The following FGF14 variants were observed in gnomAD, a reference collection of about 807,000 sequenced individuals.
The protein encoded by FGF14 is fibroblast growth factor 14.
FGF14 carries 5 observed loss-of-function variants against 25.5 expected under a neutral mutation model. The observed-to-expected ratio is 0.20, with a 90% CI of 0.10 to 0.41. FGF14 has a LOEUF of 0.41. Among genes scored for constraint, FGF14 ranks in the 10% least tolerant of loss-of-function variants. The probability of loss-of-function intolerance (pLI) is 1.00; values close to 1 mark genes in which losing one functional copy is unlikely to be tolerated. For missense variants in FGF14, 222 were observed against 320.1 expected (o/e 0.69, Z 2.34); for synonymous variants, 138 against 118.3 (o/e 1.17, Z -1.08).
chr13:102,174,710 G>A (rs1170727296), intron 1 of FGF14, among the ~76,000 whole-genome samples: 3 of 152,022 alleles, frequency 2.0e-5, no homozygotes, highest in Admixed American at 6.6e-5. Flanking sequence ...CTTACAAGTG[G>A]GAGCTAAGCA....
chr13:102,365,212 T>A (rs1337005177), intron 1 of FGF14, among the ~76,000 whole-genome samples: 1 of 152,060 alleles, frequency 6.6e-6, no homozygotes, highest in Non-Finnish European at 1.5e-5. Context: ...TCTCAAAGTC[T>A]GGGTCCTCTA....
At chr13:102,108,498 T>C (rs913321753) in intron 1 of FGF14, among the ~76,000 whole-genome samples, 2 of 152,216 alleles carry the variant, frequency 1.3e-5, no homozygotes, top group Non-Finnish European at 2.9e-5. Flanking sequence ...TGGATCTCTG[T>C]GAAACATGTT....
chr13:102,047,600 A>G (rs938632528), intron 1 of FGF14, among the ~76,000 whole-genome samples: 1 of 152,084 alleles, frequency 6.6e-6, no homozygotes, highest in African/African-American at 2.4e-5. Flanking sequence ...AACACCGCAT[A>G]TTCTCACTCA....
At chr13:102,211,270 T>C (rs1566821755) in intron 1 of FGF14, among the ~76,000 whole-genome samples, 1 of 151,952 alleles carries the variant, frequency 6.6e-6, no homozygotes, top group Non-Finnish European at 1.5e-5. Flanking sequence ...TCTATTTTCA[T>C]TCCAAAAAAA....
intron 1 of FGF14, among the ~76,000 whole-genome samples, chr13:101,924,659 T>C (rs1466822172): frequency 6.6e-6 from 1 of 152,198 alleles, no homozygotes; most frequent in South Asian, 2.1e-4. Context: ...AAATAATATG[T>C]GTATAATAGT....
rs542027613 is a variant in FGF14 at position 102,168,509 on chromosome 13, A to G, written c.208+232962T>C. Among the ~76,000 whole-genome samples, 11 of 152,224 alleles carry G rather than the reference A, an allele frequency of 7.2e-5. No homozygotes were observed. In the South Asian group the frequency reaches 2.3e-3, roughly 32 times the overall value. On this transcript the variant is annotated intron_variant, in intron 1 of 4. Coordinates refer to the FGF14 transcript ENST00000376131. ...CTTTTCTTGGTACTACATTAATACA[A>G]AGACTCCACTGACCCTAAACAATGG...
At chr13:101,835,170 C>G (rs1048359779) in intron 3 of FGF14, among the ~76,000 whole-genome samples, 1 of 151,986 alleles carries the variant, frequency 6.6e-6, no homozygotes, top group East Asian at 1.9e-4. Context: ...TTGGAAATAA[C>G]CTTTGAAGAT....
chr13:101,959,594 C>A (rs1344546944), intron 1 of FGF14, among the ~76,000 whole-genome samples: 1 of 152,176 alleles, frequency 6.6e-6, no homozygotes, highest in Non-Finnish European at 1.5e-5. Context: ...CTTGGAGTTT[C>A]TTTCCTCTGA....
At chr13:102,199,657 C>T (rs1166306357) in intron 1 of FGF14, among the ~76,000 whole-genome samples, 5 of 152,222 alleles carry the variant, frequency 3.3e-5, no homozygotes, top group Non-Finnish European at 7.4e-5. Context: ...ACCTCTAACC[C>T]ACCTCTCTGA....
At chr13:101,765,204 TC>T (rs1445330847) in intron 3 of FGF14, among the ~76,000 whole-genome samples, 4 of 152,308 alleles carry the variant, frequency 2.6e-5, no homozygotes, top group African/African-American at 9.6e-5. Context: ...CTCTTTCTCC[TC>T]CCTACTTTAT....
chr13:101,899,656 G>A (rs2031263439), intron 1 of FGF14, among the ~76,000 whole-genome samples: 1 of 151,866 alleles, frequency 6.6e-6, no homozygotes, highest in African/African-American at 2.4e-5. Context: ...TTATACTATA[G>A]CAAATAAAAA....
chr13:102,256,944 G>A (rs1320603728), intron 1 of FGF14, among the ~76,000 whole-genome samples: 3 of 152,170 alleles, frequency 2.0e-5, no homozygotes, highest in Non-Finnish European at 1.5e-5. Context: ...TTTGCTCAAT[G>A]AAATAACATC....
At chr13:102,038,025 G>T (rs907559243) in intron 1 of FGF14, among the ~76,000 whole-genome samples, 2 of 152,126 alleles carry the variant, frequency 1.3e-5, no homozygotes, top group Admixed American at 6.6e-5. Flanking sequence ...AAGAGGTGAG[G>T]TACAGAAGGA....
intron 1 of FGF14, among the ~76,000 whole-genome samples, chr13:102,243,600 A>C (rs138120775): frequency 1.3e-5 from 2 of 152,080 alleles, no homozygotes; most frequent in African/African-American, 4.8e-5. Flanking sequence ...GGAGGCAGGA[A>C]GACCAAGGTT....
At position 101,924,630 on chromosome 13, in the gene FGF14, G is replaced by GTCTC. The variant is rs534325069; in HGVS notation, c.209-49335_209-49334insGAGA. ...ATTATTTAAATGGGAACAAGAGCAT[G>GTCTC]TCTGTTTATAAAACATCCAAATAAT... On this transcript the variant is annotated intron_variant, in intron 1 of 4. Coordinates refer to the FGF14 transcript ENST00000376131. Among the ~76,000 whole-genome samples the GTCTC allele has an allele frequency of 1.1e-4, 17 of 152,294 alleles. No individual in the cohort carries two copies. The South Asian group carries it at 3.3e-3, about 30-fold the overall frequency.
rs1365422046 is a variant in FGF14, at chr13:102,341,973, C to T, written c.208+59498G>A. On this transcript the variant is annotated intron_variant, in intron 1 of 4. Transcript: ENST00000376131. ...CCTACTTGATATGGAGCCTCCTAAG[C>T]TACAGGGAAACAAGCCCACTCATCA... Among the ~76,000 whole-genome samples, 3 of 152,108 alleles carry T rather than the reference C, an allele frequency of 2.0e-5. No individual in the cohort carries two copies. In the East Asian group the frequency reaches 5.8e-4, roughly 29 times the overall value.
chr13:102,309,463 G>C (rs1201462305), intron 1 of FGF14, among the ~76,000 whole-genome samples: 1 of 152,148 alleles, frequency 6.6e-6, no homozygotes, highest in Non-Finnish European at 1.5e-5. Flanking sequence ...TGGTACTGCA[G>C]AGTACCACAG....
At chr13:102,167,215 AT>A (rs1350395683) in intron 1 of FGF14, among the ~76,000 whole-genome samples, 2 of 151,064 alleles carry the variant, frequency 1.3e-5, no homozygotes, top group Non-Finnish European at 2.9e-5. Flanking sequence ...GCATGCCCCT[AT>A]AATCCCATCT....
intron 3 of FGF14, among the ~76,000 whole-genome samples, chr13:101,738,428 A>G (rs1032625424): frequency 4.6e-5 from 7 of 152,202 alleles, no homozygotes; most frequent in Non-Finnish European, 7.3e-5. Flanking sequence ...CTGAAATGCA[A>G]TGCTGAGGAT....
Sources: allele counts gnomAD v4.1 joint callset (sites outside exome capture counted in the v4.1 genomes callset), GRCh38; gene constraint gnomAD v4.1.1; transcripts MANE v1.5; gene names NCBI Gene and HGNC (gene_info 2026-07-23, HGNC 2026-07-21).